PRKG1: variants seen among roughly 807,000 people sequenced by gnomAD.
The protein encoded by PRKG1 is protein kinase cGMP-dependent 1.
PRKG1 carries 35 observed loss-of-function variants against 88.1 expected under a neutral mutation model. That is an observed-to-expected ratio of 0.40 (90% CI 0.30 to 0.53). The LOEUF (loss-of-function observed/expected upper bound fraction) is 0.53. Ranked by LOEUF, PRKG1 falls within the 20% of genes least tolerant of loss-of-function variation. The pLI, the probability that PRKG1 is intolerant of heterozygous loss-of-function variation, is 0.59. For missense variants in PRKG1, 540 were observed against 839.8 expected (o/e 0.64, Z 4.41); for synonymous variants, 303 against 292.5 (o/e 1.04, Z -0.37).
At chr10:52,118,670 T>C (rs944987481) in intron 7 of PRKG1, among the ~76,000 whole-genome samples, 1 of 152,118 alleles carries the variant, frequency 6.6e-6, no homozygotes, top group Non-Finnish European at 1.5e-5. Flanking sequence ...TTAGTACTTT[T>C]CATTTGAATT....
intron 1 of PRKG1, among the ~76,000 whole-genome samples, chr10:51,009,291 A>G (rs1184845163): frequency 6.6e-6 from 1 of 152,230 alleles, no homozygotes; most frequent in Non-Finnish European, 1.5e-5. Context: ...CTAATTTAGA[A>G]AAGCTTTAAA....
chr10:51,073,898 C>T (rs1057376252), upstream of PRKG1, among the ~76,000 whole-genome samples: 3 of 152,178 alleles, frequency 2.0e-5, no homozygotes, highest in African/African-American at 4.8e-5. Flanking sequence ...CTCGGCCACA[C>T]CGCTCGGGAG....
In PRKG1 at chr10:51,857,883, T is replaced by A. The variant is rs146958062; in HGVS notation, c.699-49624T>A. 5.8e-3 allele frequency among the ~76,000 whole-genome samples: 884 copies of A among 151,112 alleles called. 13 individuals carry two copies. The highest frequency in any genetic ancestry group is 0.02 in the African/African-American group (821 of 41,092). ...ACTGTTCCCCCACCCTGAAGGACGGTGAAAACATGCTAAGCAGAAAAGTAA... is the reference window on the plus strand; with the variant it reads ...ACTGTTCCCCCACCCTGAAGGACGGAGAAAACATGCTAAGCAGAAAAGTAA... On this transcript the variant is annotated intron_variant, in intron 4 of 17. Coordinates refer to ENST00000373980, the MANE Select transcript of PRKG1 (RefSeq NM_006258.4).
chr10:52,120,822 G>A (rs1029038478), intron 7 of PRKG1, among the ~76,000 whole-genome samples: 44 of 151,954 alleles, frequency 2.9e-4, no homozygotes, highest in Admixed American at 2.0e-3. Context: ...CGGTTATGGC[G>A]TCACAGATGC....
intron 2 of PRKG1, among the ~76,000 whole-genome samples, chr10:51,348,624 G>A (rs1187144771): frequency 2.6e-5 from 4 of 152,212 alleles, no homozygotes; most frequent in Admixed American, 2.6e-4. Context: ...CTTAGCAGGT[G>A]ATACTTCTCC....
At chr10:51,421,069 T>C (rs1838400499) in intron 2 of PRKG1, among the ~76,000 whole-genome samples, 1 of 152,230 alleles carries the variant, frequency 6.6e-6, no homozygotes, top group Non-Finnish European at 1.5e-5. Context: ...CAGGGGCAAA[T>C]ATCCAAACTA....
chr10:52,272,326 C>CACTTGT (rs1234553227), intron 11 of PRKG1, 66 bp from the exon 12 acceptor site: 2 of 1,294,730 alleles, frequency 1.5e-6, no homozygotes, highest in African/African-American at 3.0e-5. Context: ...CTGGGCCCCC[C>CACTTGT]AAAATTGCAC....
chr10:51,213,614 C>T (rs1377118959), intron 2 of PRKG1, among the ~76,000 whole-genome samples: 1 of 152,160 alleles, frequency 6.6e-6, no homozygotes, highest in African/African-American at 2.4e-5. Context: ...ATTCAATAGC[C>T]ATGCCTGGTG....
chr10:51,990,937 A>G (rs1412098426), intron 5 of PRKG1, among the ~76,000 whole-genome samples: 54 of 152,206 alleles, frequency 3.5e-4, no homozygotes, highest in Non-Finnish European at 1.9e-4. Flanking sequence ...GTGTATATGT[A>G]CCACGTTTTC....
chr10:51,086,052 G>A (rs1253517192), intron 1 of PRKG1, among the ~76,000 whole-genome samples: 1 of 152,100 alleles, frequency 6.6e-6, no homozygotes, highest in African/African-American at 2.4e-5. Flanking sequence ...ACTTAGTATG[G>A]AAACCTATAT....
intron 1 of PRKG1, among the ~76,000 whole-genome samples, chr10:51,096,929 G>A (rs1295526603): frequency 6.6e-6 from 1 of 152,160 alleles, no homozygotes; most frequent in African/African-American, 2.4e-5. Flanking sequence ...CAATGCACAG[G>A]ACAGTTTTCA....
intron 4 of PRKG1, among the ~76,000 whole-genome samples, chr10:51,865,688 C>T (rs1840996542): frequency 6.6e-6 from 1 of 151,950 alleles, no homozygotes; most frequent in Non-Finnish European, 1.5e-5. Flanking sequence ...TGGATACACC[C>T]TCTCACTACC....
chr10:51,871,372 G>T lies in PRKG1; in HGVS notation c.699-36135G>T, dbSNP rs866392486. On this transcript the variant is annotated intron_variant, in intron 4 of 17. Transcript: ENST00000373980. ...AAGCCTGGTTCATGTGTGATCCCAC[G>T]TCTTCTTGCTTCCCCCATCTCTAGG... Among the ~76,000 whole-genome samples, 4 of 152,144 alleles carry T rather than the reference G, an allele frequency of 2.6e-5. No homozygotes were observed. In the South Asian group the frequency reaches 8.3e-4, roughly 32 times the overall value.
At chr10:51,613,072 A>G (rs917092978) in intron 3 of PRKG1, among the ~76,000 whole-genome samples, 3 of 151,752 alleles carry the variant, frequency 2.0e-5, no homozygotes, top group Non-Finnish European at 4.4e-5. Flanking sequence ...ATTGGCCTGT[A>G]GTTTTATTTT....
chr10:52,232,953 C>G (rs146074499), intron 9 of PRKG1, among the ~76,000 whole-genome samples: 5 of 152,292 alleles, frequency 3.3e-5, no homozygotes, highest in African/African-American at 1.2e-4. Flanking sequence ...GACCGAGAAT[C>G]CAATCAGATA....
chr10:51,026,423 C>T (rs2132740855), intron 1 of PRKG1, among the ~76,000 whole-genome samples: 1 of 152,266 alleles, frequency 6.6e-6, no homozygotes, highest in East Asian at 1.9e-4. Flanking sequence ...GGACAATCAG[C>T]TAATACTCAC....
intron 5 of PRKG1, among the ~76,000 whole-genome samples, chr10:51,923,643 G>A (rs1396463858): frequency 6.6e-6 from 1 of 151,162 alleles, no homozygotes; most frequent in South Asian, 2.1e-4. Context: ...TTCACAGATA[G>A]CATATGTACC....
chr10:51,533,570 G>C (rs1447193837), intron 3 of PRKG1, among the ~76,000 whole-genome samples: 4 of 151,186 alleles, frequency 2.6e-5, no homozygotes, highest in African/African-American at 4.9e-5. Flanking sequence ...AGCCATGGTG[G>C]GAGTATTTAT....
Position 51,543,398 on chromosome 10 carries a change from G to A in PRKG1, c.592+75562G>A, listed in dbSNP as rs188695217. Among the ~76,000 whole-genome samples the A allele has an allele frequency of 2.4e-4, 37 of 152,268 alleles. No homozygotes were observed. The East Asian group carries it at 7.0e-3, about 29-fold the overall frequency. ...CAGCATATTAATTGACACAGGTTTA[G>A]TATTCAACAGTGTGAGGGTGATGTT... On this transcript the variant is annotated intron_variant, in intron 3 of 17. Coordinates refer to ENST00000373980, the MANE Select transcript of PRKG1 (RefSeq NM_006258.4).
Sources: gnomAD v4.1 joint callset for allele counts (sites outside exome capture counted in the v4.1 genomes callset) on GRCh38, gnomAD v4.1.1 for gene constraint, MANE v1.5 for transcripts, NCBI Gene and HGNC (gene_info 2026-07-23, HGNC 2026-07-21) for gene names.